Variants in DOCK8 observed in about 807,000 individuals in gnomAD.
DOCK8 encodes the protein dedicator of cytokinesis protein 8.
A neutral mutation model predicts 245.6 loss-of-function variants in DOCK8; 141 were observed. That is an observed-to-expected ratio of 0.57 (90% CI 0.50 to 0.66). The LOEUF (loss-of-function observed/expected upper bound fraction) is 0.66, where lower values mean the gene tolerates loss of function less well. Among genes scored for constraint, DOCK8 ranks in the 30% least tolerant of loss-of-function variants. The pLI is 0.00. For synonymous variants in DOCK8, 1,168 were observed against 970.2 expected, an observed-to-expected ratio of 1.20 and a Z score of -3.79; for missense variants, 2,965 against 2,603.4, an observed-to-expected ratio of 1.14 and a Z score of -3.02.
intron 7 of DOCK8, 51 bp from the exon 8 acceptor site, chr9:325,620 C>A (rs752425905): frequency 2.6e-6 from 4 of 1,529,350 alleles, no homozygotes; most frequent in Non-Finnish European, 2.7e-6. Context: ...TCAGAAAATT[C>A]AAAATTATCT....
chr9:368,178 G>C (rs895310400), intron 15 of DOCK8, 43 bp downstream of exon 15: 4 of 1,506,282 alleles, frequency 2.7e-6, no homozygotes, highest in South Asian at 1.1e-5. Flanking sequence ...AGGGTGGGCT[G>C]CTCACCCCTG....
rs775921392 is a variant in DOCK8 at position 396,846 on chromosome 9, G to A, written c.3032G>A (p.Arg1011His). 21 of 1,613,966 alleles carry A rather than the reference G, an allele frequency of 1.3e-5. No homozygotes were observed. Among genetic ancestry groups the A allele is most frequent in the Middle Eastern group, 1.6e-4 (1 of 6,084 alleles). ...MDKRDSFRRT[R>H]FSDRFMDDIT... is the part of the protein sequence containing the mutation. ...AAACGGGACAGTTTTCGGAGGACTC[G>A]TTTTTCTGACCGTTTCATGGATGAC... Residue 1011 changes from arginine (R) to histidine (H), a missense_variant, in exon 25 of 48, where the codon CGT becomes CAT. Around this residue, in one of 3 missense-constraint regions of DOCK8, gnomAD observed 2,825 missense variants for 2,453.5 expected, o/e 1.15. Coordinates refer to ENST00000432829, the MANE Select transcript of DOCK8 (RefSeq NM_203447.4).
At chr9:270,538 A>C (rs1563856557) in intron 1 of DOCK8, among the ~76,000 whole-genome samples, 1 of 152,206 alleles carries the variant, frequency 6.6e-6, no homozygotes. Flanking sequence ...ACTCATTGCC[A>C]AGGTCGGGAG....
chr9:363,974 ACT>A (rs2052855369), intron 14 of DOCK8, among the ~76,000 whole-genome samples: 1 of 152,116 alleles, frequency 6.6e-6, no homozygotes, highest in East Asian at 1.9e-4. Context: ...ACCTTCACAA[ACT>A]CTGGCTCATT....
chr9:324,298 A>G (rs1272516577), intron 7 of DOCK8, among the ~76,000 whole-genome samples: 2 of 152,206 alleles, frequency 1.3e-5, no homozygotes, highest in African/African-American at 2.4e-5. Context: ...AAAGCTATCC[A>G]TTGATGAGGA....
intron 24 of DOCK8, among the ~76,000 whole-genome samples, chr9:395,716 A>AGG (rs1336671407): frequency 2.0e-5 from 3 of 152,160 alleles, no homozygotes; most frequent in African/African-American, 7.2e-5. Flanking sequence ...GATGGTGACA[A>AGG]GGGGGCCCAT....
chr9:255,930 T>C (rs1295950429), intron 1 of DOCK8, among the ~76,000 whole-genome samples: 2 of 152,202 alleles, frequency 1.3e-5, no homozygotes, highest in Non-Finnish European at 2.9e-5. Context: ...TGATCCGTAA[T>C]TCAGGCCATA....
chr9:376,178 T>C (rs769646549), intron 18 of DOCK8, 32 bp from the exon 19 acceptor site: 18 of 1,471,112 alleles, frequency 1.2e-5, no homozygotes, highest in South Asian at 1.1e-4. Context: ...GGGAATTGGA[T>C]TGCTAATCTT....
At chr9:452,139 A>C (rs79815230) in intron 46 of DOCK8, 22 bp downstream of exon 46, 1 of 1,501,600 alleles carries the variant, frequency 6.7e-7, no homozygotes, top group Non-Finnish European at 9.3e-7. Context: ...AATGGCTGGG[A>C]ATTTCAGTAG....
Position 317,079 on chromosome 9 carries a change from C to G in DOCK8, c.778C>G (p.Pro260Ala). Residue 260 changes from proline to alanine, a missense_variant, in exon 7 of 48, where the codon CCC (proline) becomes GCC (alanine). By Grantham distance (27) the Pro-to-Ala change is conservative (BLOSUM62 -1). Coordinates refer to ENST00000432829, the MANE Select transcript of DOCK8 (RefSeq NM_203447.4). ...AVEIRPVPEC[P>A]KEHLGNRILV... Reference sequence around the variant, plus strand: ...GGAAATACGTCCAGTACCAGAATGTCCCAAGGAACACCTGGGCAACAGAAT... The same window carrying G: ...GGAAATACGTCCAGTACCAGAATGTGCCAAGGAACACCTGGGCAACAGAAT... 1 of 1,614,036 alleles carries G rather than the reference C, an allele frequency of 6.2e-7. No individual in the cohort carries two copies. The highest frequency in any genetic ancestry group is 8.5e-7 in the Non-Finnish European group (1 of 1,179,920).
At chr9:238,922 G>A (rs1049710633) in intron 1 of DOCK8, among the ~76,000 whole-genome samples, 13 of 151,666 alleles carry the variant, frequency 8.6e-5, no homozygotes, top group African/African-American at 2.7e-4. Flanking sequence ...TGGCCAGGAC[G>A]CCATCCTATC....
At chr9:236,756 G>C (rs984983869) in intron 1 of DOCK8, among the ~76,000 whole-genome samples, 5 of 152,192 alleles carry the variant, frequency 3.3e-5, no homozygotes, top group Non-Finnish European at 7.3e-5. Context: ...CAGATCGAGT[G>C]GTTCTCCTCC....
chr9:449,711 G>A (rs2057370738), intron 44 of DOCK8, 73 bp from the exon 45 acceptor site: 11 of 1,606,276 alleles, frequency 6.8e-6, no homozygotes, highest in Non-Finnish European at 9.4e-6. Flanking sequence ...TGGCCTCTCT[G>A]TCATAGCTCC....
chr9:399,267 T>TGGC lies in DOCK8; in HGVS notation c.3234+8_3234+9insGGC. 4.6e-6 allele frequency: 7 copies of TGGC among 1,534,428 alleles called. No homozygotes were observed. The highest frequency in any genetic ancestry group is 6.1e-6 in the Non-Finnish European group (7 of 1,156,058). ...AGACATTATTGCAGCCAGGTGAGTG[T>TGGC]CCCCCCCACCCCCACCCCCGAGCGA... On this transcript the variant is annotated intron_variant, in intron 26 of 47. Coordinates refer to ENST00000432829, the MANE Select transcript of DOCK8 (RefSeq NM_203447.4).
chr9:336,755 C>T (rs1380545353), intron 12 of DOCK8, 37 bp downstream of exon 12: 2 of 1,613,206 alleles, frequency 1.2e-6, no homozygotes, highest in African/African-American at 2.7e-5. Context: ...GGATTTTTCC[C>T]CATACTGGCA....
At chr9:285,724 C>G (rs2048795355) in intron 2 of DOCK8, among the ~76,000 whole-genome samples, 1 of 152,028 alleles carries the variant, frequency 6.6e-6, no homozygotes, top group Admixed American at 6.6e-5. Context: ...TTCTTTTACT[C>G]CCCCTCTTTC....
At chr9:464,032 G>A (rs2057897483) in intron 47 of DOCK8, 127 bp from the exon 48 acceptor site, 1 of 852,230 alleles carries the variant, frequency 1.2e-6, no homozygotes, top group South Asian at 1.3e-5. Flanking sequence ...TATTTGCTGA[G>A]TTGTCCATGA....
intron 18 of DOCK8, among the ~76,000 whole-genome samples, chr9:373,164 C>T (rs2053374009): frequency 6.6e-6 from 1 of 152,094 alleles, no homozygotes; most frequent in South Asian, 2.1e-4. Context: ...GAGACTCCAT[C>T]TCAAAATAAA....
chr9:345,751 C>T lies in DOCK8; in HGVS notation c.1679+5430C>T, dbSNP rs117064854. Among the ~76,000 whole-genome samples, 183 of 152,192 alleles carry T rather than the reference C, an allele frequency of 1.2e-3. 5 individuals carry two copies. The East Asian group carries it at 0.028, about 23-fold the overall frequency. On this transcript the variant is annotated intron_variant, in intron 14 of 47. Coordinates refer to ENST00000432829, the MANE Select transcript of DOCK8 (RefSeq NM_203447.4). ...CAGGTGTCCTGCGTGGGGCACCATT[C>T]GAGTTGCATTCTAGTGTATTAGGTT...
Sources: allele counts gnomAD v4.1 joint callset (sites outside exome capture counted in the v4.1 genomes callset), GRCh38; gene constraint gnomAD v4.1.1; regional missense constraint gnomAD v4.1.1; transcripts MANE v1.5; gene names NCBI Gene and HGNC (gene_info 2026-07-23, HGNC 2026-07-21).